PCDHGA1: variants seen among roughly 807,000 people sequenced by gnomAD.
PCDHGA1 encodes the protein protocadherin gamma-A1.
A neutral mutation model predicts 58.0 loss-of-function variants in PCDHGA1; 32 were observed. The ratio of observed to expected loss-of-function variants is 0.55; its 90% confidence interval spans 0.42 to 0.74. The LOEUF is 0.74. PCDHGA1 is among the 30% of genes least tolerant of loss of function. The pLI is 0.00. For synonymous variants in PCDHGA1, 498 were observed against 501.1 expected, an observed-to-expected ratio of 0.99 and a Z score of 0.08; for missense variants, 1,205 against 1,182.3, an observed-to-expected ratio of 1.02 and a Z score of -0.28.
intron 1 of PCDHGA1, chr5:141,433,074 A>C: frequency 6.2e-7 from 1 of 1,614,218 alleles, no homozygotes; most frequent in East Asian, 2.2e-5. Flanking sequence ...ATCTTCCCCC[A>C]GCCCAACTAT....
At chr5:141,418,310 G>C (rs778649723) in intron 1 of PCDHGA1, 2 of 1,613,990 alleles carry the variant, frequency 1.2e-6, no homozygotes, top group Non-Finnish European at 1.7e-6. Context: ...CCTGGGGATG[G>C]GAACAATTCT....
intron 1 of PCDHGA1, chr5:141,419,888 G>A: frequency 6.2e-7 from 1 of 1,614,056 alleles, no homozygotes; most frequent in Non-Finnish European, 8.5e-7. Context: ...GGATTTCAGC[G>A]ACCATCCCAC....
At chr5:141,352,051 C>G (rs1319194846) in intron 1 of PCDHGA1, 2 of 1,607,206 alleles carry the variant, frequency 1.2e-6, no homozygotes, top group East Asian at 2.2e-5. Flanking sequence ...CAGGACACAA[C>G]GCTTGGCTGT....
intron 1 of PCDHGA1, among the ~76,000 whole-genome samples, chr5:141,369,405 G>A (rs537824749): frequency 6.6e-6 from 1 of 152,288 alleles, no homozygotes; most frequent in Admixed American, 6.5e-5. Flanking sequence ...GGTGGTTCAT[G>A]ACTATAATCC....
intron 1 of PCDHGA1, among the ~76,000 whole-genome samples, chr5:141,386,536 GTGT>G (rs1561611759): frequency 6.6e-6 from 1 of 151,656 alleles, no homozygotes; most frequent in African/African-American, 2.4e-5. Flanking sequence ...TTTTAGACTA[GTGT>G]TGTATTTGGT....
At chr5:141,382,983 A>G (rs1377762297) in intron 1 of PCDHGA1, 4 of 1,612,430 alleles carry the variant, frequency 2.5e-6, no homozygotes, top group Non-Finnish European at 3.4e-6. Flanking sequence ...AAGCCTGGGC[A>G]GGACGTATTC....
chr5:141,414,723 C>A (rs775890033), intron 1 of PCDHGA1: 2 of 1,614,170 alleles, frequency 1.2e-6, no homozygotes, highest in South Asian at 2.2e-5. Flanking sequence ...CAGACACTGG[C>A]GTCCTGTATG....
At chr5:141,371,162 C>A (rs1767541774) in intron 1 of PCDHGA1, 3 of 1,613,860 alleles carry the variant, frequency 1.9e-6, no homozygotes, top group African/African-American at 2.7e-5. Flanking sequence ...AGAACCTGCC[C>A]GCTGGCTCCT....
chr5:141,414,415 C>A (rs769791452), intron 1 of PCDHGA1: 1 of 1,613,876 alleles, frequency 6.2e-7, no homozygotes, highest in Admixed American at 1.7e-5. Context: ...ACACAGAGCC[C>A]TTGACAGGGA....
At chr5:141,384,941 C>G in intron 1 of PCDHGA1, 1 of 1,614,104 alleles carries the variant, frequency 6.2e-7, no homozygotes, top group Non-Finnish European at 8.5e-7. Context: ...CTTGAGCCCT[C>G]CGACGGTCCT....
chr5:141,383,980 C>G lies in PCDHGA1; in HGVS notation c.2421+50875C>G, dbSNP rs145468093. The G allele has an allele frequency of 9.9e-5, 159 of 1,613,694 alleles. No homozygotes were observed. In the East Asian group the frequency reaches 3.5e-3, roughly 35 times the overall value. Reference sequence around the variant, plus strand: ...AAGTAGCTCAATCCCTGAAGACACACCTCTTGGGACAGTCATTGCTCTTTT... The same window carrying G: ...AAGTAGCTCAATCCCTGAAGACACAGCTCTTGGGACAGTCATTGCTCTTTT... On this transcript the variant is annotated intron_variant, in intron 1 of 3. Transcript: ENST00000517417.
At chr5:141,354,548 C>T (rs1759572044) in intron 1 of PCDHGA1, among the ~76,000 whole-genome samples, 1 of 152,238 alleles carries the variant, frequency 6.6e-6, no homozygotes, top group African/African-American at 2.4e-5. Flanking sequence ...AGAGGGTCAA[C>T]TCCTGTGAGG....
At chr5:141,392,782 A>G (rs1375306296) in intron 1 of PCDHGA1, 1 of 1,540,122 alleles carries the variant, frequency 6.5e-7, no homozygotes, top group Non-Finnish European at 8.7e-7. Context: ...TGCACAGTGA[A>G]GATTCTGAGA....
intron 1 of PCDHGA1, among the ~76,000 whole-genome samples, chr5:141,436,469 G>A (rs376024456): frequency 6.6e-6 from 1 of 152,304 alleles, no homozygotes; most frequent in East Asian, 1.9e-4. Flanking sequence ...ATTTTCAGAT[G>A]TATCATAGAA....
At chr5:141,344,518 T>C in intron 1 of PCDHGA1, 1 of 1,614,042 alleles carries the variant, frequency 6.2e-7, no homozygotes, top group Non-Finnish European at 8.5e-7. Flanking sequence ...GACCCAGATG[T>C]AGGCATTAAC....
rs371280575 is a variant in PCDHGA1 at position 141,393,339 on chromosome 5, C to T, written c.2421+60234C>T. ...CCAGAGCTACCAGCTCAGCCCCAAT[C>T]ACCACTTCTCCCTGGACGTGCAGAC... On this transcript the variant is annotated intron_variant, in intron 1 of 3. Coordinates refer to ENST00000517417, the MANE Select transcript of PCDHGA1 (RefSeq NM_018912.3). 109 of 1,613,800 alleles carry T rather than the reference C, an allele frequency of 6.8e-5. No individual in the cohort carries two copies. The highest frequency in any genetic ancestry group is 9.2e-5 in the Non-Finnish European group (109 of 1,179,890).
At chr5:141,382,764 A>G (rs1778415401) in intron 1 of PCDHGA1, 1 of 699,092 alleles carries the variant, frequency 1.4e-6, no homozygotes. Context: ...GCCCTCTTCC[A>G]GGCTGCACTA....
At chr5:141,425,802 C>T (rs966768224) in intron 1 of PCDHGA1, among the ~76,000 whole-genome samples, 6 of 152,160 alleles carry the variant, frequency 3.9e-5, no homozygotes, top group African/African-American at 1.4e-4. Context: ...ATGTGCATTG[C>T]TTCTGCTTAG....
chr5:141,362,934 A>G (rs373644254), intron 1 of PCDHGA1, among the ~76,000 whole-genome samples: 1 of 152,196 alleles, frequency 6.6e-6, no homozygotes, highest in Non-Finnish European at 1.5e-5. Context: ...GAGAGTCTTC[A>G]TTTTAGTAGG....
Sources: allele counts gnomAD v4.1 joint callset (sites outside exome capture counted in the v4.1 genomes callset), GRCh38; gene constraint gnomAD v4.1.1; transcripts MANE v1.5; gene names NCBI Gene and HGNC (gene_info 2026-07-23, HGNC 2026-07-21).